SIN3A: variants seen among roughly 807,000 people sequenced by gnomAD.
SIN3A encodes paired amphipathic helix protein Sin3a.
A neutral mutation model predicts 146.1 loss-of-function variants in SIN3A; 14 were observed. The ratio of observed to expected loss-of-function variants is 0.10; its 90% CI spans 0.06 to 0.15. The LOEUF (loss-of-function observed/expected upper bound fraction) is 0.15. SIN3A is among the 10% of genes least tolerant of loss of function. SIN3A has a pLI of 1.00. For synonymous variants in SIN3A, 572 were observed against 572.0 expected (o/e 1.00, Z 0.00); for missense variants, 1,028 against 1,576.0 (o/e 0.65, Z 5.89).
At chr15:75,383,673 C>T (rs533909417) in intron 17 of SIN3A, among the ~76,000 whole-genome samples, 4 of 152,112 alleles carry the variant, frequency 2.6e-5, no homozygotes, top group Non-Finnish European at 5.9e-5. Flanking sequence ...GGACTACAGA[C>T]GCCCACCACT....
intron 3 of SIN3A, 76 bp from the exon 4 acceptor site, chr15:75,414,387 A>C: frequency 1.4e-6 from 1 of 695,794 alleles, no homozygotes; most frequent in Non-Finnish European, 2.2e-6. Context: ...AAAACAAATT[A>C]TTTATGCCTA....
intron 1 of SIN3A, among the ~76,000 whole-genome samples, chr15:75,449,936 C>T (rs776709500): frequency 1.3e-5 from 2 of 152,124 alleles, no homozygotes; most frequent in East Asian, 1.9e-4. Context: ...CTTGCCACCA[C>T]GCCCAGCTTT....
At chr15:75,396,954 G>A (rs150415462) in intron 12 of SIN3A, among the ~76,000 whole-genome samples, 3 of 152,216 alleles carry the variant, frequency 2.0e-5, no homozygotes, top group East Asian at 1.9e-4. Flanking sequence ...CCAAAAGACC[G>A]CTTTGTCTTG....
At chr15:75,386,368 A>G (rs962959618) in intron 16 of SIN3A, among the ~76,000 whole-genome samples, 2 of 152,216 alleles carry the variant, frequency 1.3e-5, no homozygotes, top group African/African-American at 4.8e-5. Context: ...CTGATTCCCC[A>G]CCCATACTCT....
upstream of SIN3A, among the ~76,000 whole-genome samples, chr15:75,452,034 C>T (rs2074420131): frequency 2.6e-5 from 4 of 152,194 alleles, no homozygotes; most frequent in Admixed American, 2.6e-4. Flanking sequence ...CAGCCACAGG[C>T]CTAACAAGTT....
intron 2 of SIN3A, among the ~76,000 whole-genome samples, chr15:75,429,719 A>G (rs1243341252): frequency 6.6e-6 from 1 of 152,232 alleles, no homozygotes; most frequent in African/African-American, 2.4e-5. Flanking sequence ...CAATAGTCCA[A>G]CAGTAGAATT....
At chr15:75,421,538 T>C (rs1458221306) in intron 3 of SIN3A, 1 of 152,164 alleles carries the variant, frequency 6.6e-6, no homozygotes, top group African/African-American at 2.4e-5. Context: ...TTCCCAAGAA[T>C]CCACACCAAC....
chr15:75,423,498 G>A (rs577299457), intron 2 of SIN3A, among the ~76,000 whole-genome samples: 7 of 152,156 alleles, frequency 4.6e-5, no homozygotes, highest in African/African-American at 1.4e-4. Context: ...CTAGCATGGT[G>A]AAACCCCGTC....
intron 2 of SIN3A, among the ~76,000 whole-genome samples, chr15:75,427,933 T>C (rs1459159027): frequency 6.6e-6 from 1 of 151,838 alleles, no homozygotes; most frequent in Non-Finnish European, 1.5e-5. Context: ...ATCGCACCAC[T>C]GCACTCCAGC....
chr15:75,420,082 T>A (rs977308472), intron 3 of SIN3A: 3 of 152,184 alleles, frequency 2.0e-5, no homozygotes, highest in African/African-American at 7.2e-5. Flanking sequence ...GGGAGACCCT[T>A]AGACTCTGCT....
chr15:75,372,121 G>A lies in SIN3A; in HGVS notation c.3680C>T (p.Ala1227Val), dbSNP rs759774443. The A allele has an allele frequency of 2.4e-5, 38 of 1,614,178 alleles. No homozygotes were observed. The South Asian group carries it at 4.1e-4, about 17-fold the overall frequency. Residue 1227 changes from alanine (A) to valine (V), a missense_variant, in exon 21 of 21, where the codon GCA (alanine) becomes GTA (valine). Coordinates refer to ENST00000394947, the MANE Select transcript of SIN3A (RefSeq NM_001145358.2). ...WTKEHVPREM[A>V]AETSKWLMGE... The stretch of plus-strand genomic sequence containing the variant: ...CATGAGCCACTTGCTGGTCTCTGCT[G>A]CCATTTCACGGGGCACATGCTCCTT...
At chr15:75,431,981 T>C (rs2074020889) in intron 1 of SIN3A, among the ~76,000 whole-genome samples, 1 of 152,246 alleles carries the variant, frequency 6.6e-6, no homozygotes, top group South Asian at 2.1e-4. Flanking sequence ...AACTTCAGAC[T>C]AAGTCTCTCA....
At chr15:75,374,205 A>T (rs10220738) in intron 20 of SIN3A, among the ~76,000 whole-genome samples, 101,979 of 152,078 alleles carry the variant, frequency 0.67, 35,079 homozygotes, top group Non-Finnish European at 0.74. Flanking sequence ...ATATCTAAAT[A>T]ATATCTACAT....
chr15:75,411,047 G>C (rs934899601), intron 6 of SIN3A, among the ~76,000 whole-genome samples: 12 of 151,398 alleles, frequency 7.9e-5, no homozygotes, highest in African/African-American at 2.7e-4. Flanking sequence ...TGGCTTTATA[G>C]CATGGGGGCG....
chr15:75,430,055 T>C, intron 2 of SIN3A, 132 bp downstream of exon 2: 4 of 695,772 alleles, frequency 5.7e-6, no homozygotes. Context: ...GAGTACACAG[T>C]TATTTTTTTT....
At chr15:75,390,069 G>T (rs551169654) in intron 15 of SIN3A, among the ~76,000 whole-genome samples, 1 of 152,318 alleles carries the variant, frequency 6.6e-6, no homozygotes, top group East Asian at 1.9e-4. Flanking sequence ...ATGCTAGAAA[G>T]ATACTTCTTT....
At chr15:75,426,147 A>G (rs1409020357) in intron 2 of SIN3A, among the ~76,000 whole-genome samples, 1 of 152,258 alleles carries the variant, frequency 6.6e-6, no homozygotes, top group African/African-American at 2.4e-5. Flanking sequence ...TCCCAAATGT[A>G]GAAAACAGTC....
At chr15:75,450,415 G>A (rs2074381635) in intron 1 of SIN3A, among the ~76,000 whole-genome samples, 1 of 152,052 alleles carries the variant, frequency 6.6e-6, no homozygotes. Flanking sequence ...TGAACATCAA[G>A]GGAACCCCAG....
Position 75,389,686 on chromosome 15 carries a change from G to A in SIN3A, c.2987C>T (p.Thr996Ile), listed in dbSNP as rs1314054441. ...AATGCTCTGGATCAGTTTGTCCATG[G>A]TAAAGGCAATGTAGGCATGAATGGT... ...MFTIHAYIAF[T>I]MDKLIQSIVR... Residue 996 changes from threonine to isoleucine, a missense_variant, in exon 16 of 21, where the codon ACC becomes ATC. Physicochemically the swap from Thr to Ile is moderately conservative, Grantham distance 89. Transcript: ENST00000394947. The A allele has an allele frequency of 6.2e-7, 1 of 1,613,980 alleles. No homozygotes were observed.
Sources: gnomAD v4.1 joint callset for allele counts (sites outside exome capture counted in the v4.1 genomes callset) on GRCh38, gnomAD v4.1.1 for gene constraint, MANE v1.5 for transcripts, NCBI Gene and HGNC (gene_info 2026-07-23, HGNC 2026-07-21) for gene names.